Variants in RHEX observed in about 807,000 individuals in gnomAD.
RHEX encodes regulator of hemoglobinization and erythroid cell expansion protein.
Under a neutral mutation model 20.1 loss-of-function variants are expected in RHEX, and 18 were observed. The observed-to-expected ratio is 0.90, with a 90% CI of 0.62 to 1.33. The LOEUF is 1.33. RHEX is among the 40% of genes most tolerant of loss of function. RHEX has a pLI of 0.00. For synonymous variants in RHEX, 87 were observed against 77.1 expected (o/e 1.13, Z -0.67); for missense variants, 192 against 214.3 (o/e 0.90, Z 0.65).
intron 1 of RHEX, among the ~76,000 whole-genome samples, chr1:206,077,634 T>C (rs1206863208): frequency 3.3e-5 from 5 of 152,160 alleles, no homozygotes; most frequent in African/African-American, 1.2e-4. Context: ...TAGCAGGGCA[T>C]GGTGGTGAGT....
chr1:206,085,988 C>T (rs1367007553), intron 1 of RHEX, among the ~76,000 whole-genome samples: 1 of 152,166 alleles, frequency 6.6e-6, no homozygotes, highest in African/African-American at 2.4e-5. Flanking sequence ...AAAGATTTCT[C>T]TGATATGAGA....
chr1:206,081,008 T>C (rs74555838), intron 1 of RHEX, among the ~76,000 whole-genome samples: 2,049 of 149,072 alleles, frequency 0.014, 39 homozygotes, highest in African/African-American at 0.049. Flanking sequence ...CACAGACACA[T>C]ACACAACATA....
At chr1:206,066,997 G>A (rs782017001) in intron 1 of RHEX, among the ~76,000 whole-genome samples, 1 of 152,166 alleles carries the variant, frequency 6.6e-6, no homozygotes, top group South Asian at 2.1e-4. Flanking sequence ...TTGTCAGGCC[G>A]CTCAGTTTTC....
In RHEX at chr1:206,102,086, G is replaced by T; in HGVS notation, c.*134G>T. The T allele has an allele frequency of 1.4e-6, 1 of 738,388 alleles. No homozygotes were observed. The allele number at this position is 738,388 out of a possible 1,614,324, so 45.7% of individuals were successfully genotyped here. A position where few individuals can be genotyped will look rare whatever the true frequency, so the allele number is the denominator to read the frequency against. Reference sequence around the variant, plus strand: ...GGAGACAGGCCAAAAAGAATGTGGAGAAGAAAACTGATAAATACACAGAGG... The same window carrying T: ...GGAGACAGGCCAAAAAGAATGTGGATAAGAAAACTGATAAATACACAGAGG... On this transcript the variant is annotated 3_prime_UTR_variant, in exon 6 of 6. Transcript: ENST00000331555.
intron 1 of RHEX, among the ~76,000 whole-genome samples, chr1:206,064,377 C>G (rs1383331766): frequency 3.1e-5 from 4 of 127,106 alleles, no homozygotes; most frequent in African/African-American, 1.3e-4. Context: ...CTGCCCCGTC[C>G]GGGAGGGAGG....
chr1:206,073,248 C>T (rs1553284852), intron 1 of RHEX, among the ~76,000 whole-genome samples: 1 of 152,088 alleles, frequency 6.6e-6, no homozygotes, highest in African/African-American at 2.4e-5. Flanking sequence ...CACTCTACTC[C>T]CAAGGCTTCA....
In RHEX at chr1:206,086,398, G is replaced by A. The variant is rs564633719; in HGVS notation, c.-96-11335G>A. Among the ~76,000 whole-genome samples the A allele has an allele frequency of 4.2e-4, 64 of 151,844 alleles. 1 individual carries two copies. The South Asian group carries it at 1.0e-2, about 24-fold the overall frequency. ...GGGTCTCACTATGTTGTCCAGGCTT[G>A]TCTCAAGCTCCTGAGCTCAAGCCAA... On this transcript the variant is annotated intron_variant, in intron 1 of 5. Coordinates refer to ENST00000331555, the MANE Select transcript of RHEX (RefSeq NM_001007544.4).
chr1:206,093,013 G>A (rs1012393907), intron 1 of RHEX, among the ~76,000 whole-genome samples: 2 of 152,146 alleles, frequency 1.3e-5, no homozygotes, highest in African/African-American at 4.8e-5. Context: ...ATTCACCAGG[G>A]CCTAGAGGGG....
At chr1:206,085,137 A>G (rs1284630291) in intron 1 of RHEX, among the ~76,000 whole-genome samples, 2 of 152,222 alleles carry the variant, frequency 1.3e-5, no homozygotes, top group Non-Finnish European at 1.5e-5. Flanking sequence ...CCCAATTGAA[A>G]GAGGAGAAAA....
chr1:206,083,696 T>C (rs1227506357), intron 1 of RHEX: 22 of 930,826 alleles, frequency 2.4e-5, no homozygotes, highest in Non-Finnish European at 2.7e-5. Flanking sequence ...GTTTGAAGTG[T>C]GCATTTGTTT....
At position 206,097,820 on chromosome 1, in the gene RHEX, G is replaced by A. The variant is rs1422264563; in HGVS notation, c.-9G>A. ...GCCTGAGCCCCAACTTATCAGCAAGGAGCTCATCATGCTGACAGAGTGAGT... is the reference window on the plus strand; with the variant it reads ...GCCTGAGCCCCAACTTATCAGCAAGAAGCTCATCATGCTGACAGAGTGAGT... On this transcript the variant is annotated 5_prime_UTR_variant, in exon 2 of 6. Transcript: ENST00000331555. The A allele has an allele frequency of 6.2e-7, 1 of 1,612,486 alleles. No homozygotes were observed. Among genetic ancestry groups the A allele is most frequent in the East Asian group, 2.2e-5 (1 of 44,878 alleles).
rs115909536 is a variant in RHEX at position 206,094,338 on chromosome 1, A to C, written c.-96-3395A>C. On this transcript the variant is annotated intron_variant, in intron 1 of 5. Transcript: ENST00000331555. The stretch of plus-strand genomic sequence containing the variant: ...TAATGACATCTGTCATAATTTTCAT[A>C]CCTTGGATCTTATCTCCAAACTGTA... Among the ~76,000 whole-genome samples the C allele has an allele frequency of 3.8e-3, 576 of 152,280 alleles. 8 individuals carry two copies. Among genetic ancestry groups the C allele is most frequent in the African/African-American group, 0.012 (503 of 41,548 alleles).
Position 206,070,823 on chromosome 1 carries a change from G to A in RHEX, c.-97+17558G>A, listed in dbSNP as rs551158816. On this transcript the variant is annotated intron_variant, in intron 1 of 5. Coordinates refer to ENST00000331555, the MANE Select transcript of RHEX (RefSeq NM_001007544.4). ...ACTGGTCACCCCTGTCCTATCAGCC[G>A]TCAGTCTTGGCCCTTCACTTACTGT... Among the ~76,000 whole-genome samples, 17 of 152,240 alleles carry A rather than the reference G, an allele frequency of 1.1e-4. No homozygotes were observed. In the East Asian group the frequency reaches 2.7e-3, roughly 24 times the overall value.
chr1:206,098,963 G>A (rs573617584), intron 3 of RHEX, among the ~76,000 whole-genome samples: 2 of 152,196 alleles, frequency 1.3e-5, no homozygotes, highest in South Asian at 2.1e-4. Context: ...ATACAGCTTG[G>A]TGGATGGCTG....
chr1:206,068,638 A>G (rs1293236593), intron 1 of RHEX, among the ~76,000 whole-genome samples: 5 of 152,238 alleles, frequency 3.3e-5, no homozygotes, highest in African/African-American at 1.2e-4. Flanking sequence ...GATGGGCCCC[A>G]GAGTATCTAA....
chr1:206,060,685 AG>A (rs1553283228), intron 1 of RHEX: 1 of 152,348 alleles, frequency 6.6e-6, no homozygotes, highest in African/African-American at 2.4e-5. Context: ...AGCCAGCCAG[AG>A]CAGCTGGATG....
chr1:206,085,973 C>G (rs1662830124), intron 1 of RHEX, among the ~76,000 whole-genome samples: 1 of 152,140 alleles, frequency 6.6e-6, no homozygotes, highest in Non-Finnish European at 1.5e-5. Flanking sequence ...CAAAGAGAAT[C>G]CAGGAAAGAT....
chr1:206,059,863 G>C (rs936486933), intron 1 of RHEX, among the ~76,000 whole-genome samples: 4 of 152,086 alleles, frequency 2.6e-5, no homozygotes, highest in African/African-American at 9.7e-5. Context: ...CAGAGCATGG[G>C]CAGGCTCCCA....
At chr1:206,070,770 A>G (rs1278966135) in intron 1 of RHEX, among the ~76,000 whole-genome samples, 2 of 152,142 alleles carry the variant, frequency 1.3e-5, no homozygotes, top group African/African-American at 4.8e-5. Context: ...AGATTCCAGG[A>G]TGGACTGCTC....
Sources: gnomAD v4.1 joint callset for allele counts (sites outside exome capture counted in the v4.1 genomes callset) on GRCh38, gnomAD v4.1.1 for gene constraint, MANE v1.5 for transcripts, NCBI Gene and HGNC (gene_info 2026-07-23, HGNC 2026-07-21) for gene names.